ULK4: variants seen among roughly 807,000 people sequenced by gnomAD.
ULK4 encodes inactive serine/threonine-protein kinase ULK4.
In ULK4, 133 loss-of-function variants were observed where a neutral mutation model predicts 160.6. The ratio of observed to expected loss-of-function variants is 0.83; its 90% CI spans 0.72 to 0.96. The LOEUF (loss-of-function observed/expected upper bound fraction) is 0.96, where lower values mean the gene tolerates loss of function less well. Among genes scored for constraint, ULK4 ranks in the 40% least tolerant of loss-of-function variants. ULK4 has a pLI of 0.00. For synonymous variants in ULK4, 534 were observed against 539.8 expected, an observed-to-expected ratio of 0.99 and a Z score of 0.15; for missense variants, 1,580 against 1,499.5, an observed-to-expected ratio of 1.05 and a Z score of -0.89.
rs557898124 is a variant in ULK4 at position 41,918,443 on chromosome 3, A to C, written c.727+14T>G. 1 of 1,541,878 alleles carries C rather than the reference A, an allele frequency of 6.5e-7. No individual in the cohort carries two copies. The highest frequency in any genetic ancestry group is 8.8e-7 in the Non-Finnish European group (1 of 1,136,982). On this transcript the variant is annotated intron_variant, in intron 7 of 36. Transcript: ENST00000301831. The stretch of plus-strand genomic sequence containing the variant: ...AAAATGTAAATTAATTCCATTTATC[A>C]TAAGAAATCTTACCTTTCGGAATAG...
chr3:41,872,337 G>A (rs80334325), intron 17 of ULK4, among the ~76,000 whole-genome samples: 2,245 of 152,294 alleles, frequency 0.015, 44 homozygotes, highest in African/African-American at 0.052. Flanking sequence ...TTCAGCACAT[G>A]CACAGCTTCA....
intron 35 of ULK4, among the ~76,000 whole-genome samples, chr3:41,275,078 A>C (rs1375517103): frequency 6.6e-6 from 1 of 152,330 alleles, no homozygotes; most frequent in East Asian, 1.9e-4. Flanking sequence ...AATCCTCATG[A>C]GAAAGACACA....
chr3:41,501,725 T>C (rs573588316), intron 32 of ULK4, among the ~76,000 whole-genome samples: 4 of 152,332 alleles, frequency 2.6e-5, no homozygotes, highest in East Asian at 1.9e-4. Flanking sequence ...TTGTTAACTA[T>C]AGTCACCATG....
At chr3:41,475,379 TCAA>T (rs2084108555) in intron 32 of ULK4, among the ~76,000 whole-genome samples, 1 of 152,094 alleles carries the variant, frequency 6.6e-6, no homozygotes, top group Non-Finnish European at 1.5e-5. Flanking sequence ...GTACAAAATC[TCAA>T]TTAGACAGAA....
At chr3:41,672,944 C>T (rs2035586467) in intron 29 of ULK4, among the ~76,000 whole-genome samples, 1 of 152,042 alleles carries the variant, frequency 6.6e-6, no homozygotes, top group Admixed American at 6.6e-5. Context: ...CTTAAGGAAT[C>T]CTCCTACCTC....
intron 31 of ULK4, among the ~76,000 whole-genome samples, chr3:41,580,578 A>G (rs1343256697): frequency 6.6e-6 from 1 of 152,164 alleles, no homozygotes; most frequent in Admixed American, 6.5e-5. Context: ...CACCAGATCC[A>G]TTAAGGACAG....
chr3:41,335,841 T>G (rs541056436), intron 35 of ULK4, among the ~76,000 whole-genome samples: 160 of 152,276 alleles, frequency 1.1e-3, no homozygotes, highest in Non-Finnish European at 1.8e-3. Flanking sequence ...TAAGGGAATA[T>G]GTAAAGGTGG....
chr3:41,479,663 C>T (rs2084253365), intron 32 of ULK4, among the ~76,000 whole-genome samples: 1 of 151,992 alleles, frequency 6.6e-6, no homozygotes, highest in Admixed American at 6.6e-5. Flanking sequence ...GAAGCTAGGG[C>T]CTGTGAAAAA....
At chr3:41,305,869 C>G (rs142692152) in intron 35 of ULK4, among the ~76,000 whole-genome samples, 74,321 of 139,590 alleles carry the variant, frequency 0.53, 21,387 homozygotes, top group African/African-American at 0.78. Flanking sequence ...CCTCTGCCCC[C>G]CCGCCCCGTC....
intron 31 of ULK4, among the ~76,000 whole-genome samples, chr3:41,574,060 T>A (rs371384591): frequency 2.4e-5 from 3 of 127,272 alleles, no homozygotes; most frequent in African/African-American, 5.9e-5. Context: ...CGCATGCCTA[T>A]AATCCCAGCT....
intron 17 of ULK4, among the ~76,000 whole-genome samples, chr3:41,845,056 C>A (rs900111130): frequency 6.6e-6 from 1 of 151,500 alleles, no homozygotes; most frequent in African/African-American, 2.4e-5. Context: ...AGCTCCGCTT[C>A]CCGGGTTCAT....
In ULK4 at chr3:41,777,243, G is replaced by C. The variant is rs1438564457; in HGVS notation, c.2193+12418C>G. Among the ~76,000 whole-genome samples the C allele has an allele frequency of 1.5e-4, 15 of 102,486 alleles. 2 individuals are homozygous for C. The highest frequency in any genetic ancestry group is 2.5e-4 in the Non-Finnish European group (14 of 56,004). The allele number at this position is 102,486 out of a possible 152,430, so 67.2% of individuals were successfully genotyped here. On this transcript the variant is annotated intron_variant, in intron 21 of 36. Coordinates refer to ENST00000301831, the MANE Select transcript of ULK4 (RefSeq NM_017886.4). Reference sequence around the variant, plus strand: ...TTGTAGTATTCTCTGATGGTAGTTTGTATTTCTGTGGGATTGGTGGTGATA... The same window carrying C: ...TTGTAGTATTCTCTGATGGTAGTTTCTATTTCTGTGGGATTGGTGGTGATA...
chr3:41,550,801 G>C (rs945455412), intron 32 of ULK4, among the ~76,000 whole-genome samples: 1 of 151,922 alleles, frequency 6.6e-6, no homozygotes, highest in South Asian at 2.1e-4. Context: ...ATACATTTGC[G>C]GAACATTTAA....
At chr3:41,877,048 CAGAA>C (rs1454851333) in intron 17 of ULK4, among the ~76,000 whole-genome samples, 18 of 152,052 alleles carry the variant, frequency 1.2e-4, no homozygotes, top group South Asian at 4.2e-4. Flanking sequence ...ATTTTCAAAC[CAGAA>C]AGAAAGTACA....
chr3:41,336,481 C>A (rs908389423), intron 35 of ULK4, among the ~76,000 whole-genome samples: 2 of 152,214 alleles, frequency 1.3e-5, no homozygotes, highest in African/African-American at 4.8e-5. Context: ...TGGACAAGCA[C>A]AGAAGTCTAC....
intron 32 of ULK4, among the ~76,000 whole-genome samples, chr3:41,464,144 C>G (rs1230729956): frequency 6.6e-6 from 1 of 152,156 alleles, no homozygotes; most frequent in Non-Finnish European, 1.5e-5. Flanking sequence ...TACTCCAGAT[C>G]ATCAATTGAA....
intron 35 of ULK4, among the ~76,000 whole-genome samples, chr3:41,377,946 T>A (rs926343488): frequency 6.6e-6 from 1 of 151,604 alleles, no homozygotes; most frequent in African/African-American, 2.4e-5. Context: ...GCAGCACTAT[T>A]CACAATAGCA....
chr3:41,299,283 G>A (rs2079734595), intron 35 of ULK4, among the ~76,000 whole-genome samples: 1 of 152,228 alleles, frequency 6.6e-6, no homozygotes, highest in Admixed American at 6.5e-5. Flanking sequence ...ATGTGAGACA[G>A]ACCAGCTGAG....
At chr3:41,858,669 G>GA (rs1024963199) in intron 17 of ULK4, among the ~76,000 whole-genome samples, 10 of 126,984 alleles carry the variant, frequency 7.9e-5, no homozygotes, top group African/African-American at 3.5e-4. Context: ...ATTTTTGTGT[G>GA]ATTTTTTTTT....
Sources: gnomAD v4.1 joint callset for allele counts (sites outside exome capture counted in the v4.1 genomes callset) on GRCh38, gnomAD v4.1.1 for gene constraint, MANE v1.5 for transcripts, NCBI Gene and HGNC (gene_info 2026-07-23, HGNC 2026-07-21) for gene names.